The following ARID4A variants were observed in gnomAD, a reference collection of about 807,000 sequenced individuals.
ARID4A encodes the protein AT-rich interaction domain 4A.
ARID4A carries 39 observed loss-of-function variants against 148.6 expected under a neutral mutation model. That is an observed-to-expected ratio of 0.26 (90% confidence interval 0.20 to 0.34). The LOEUF is 0.34. Among genes scored for constraint, ARID4A ranks in the 10% least tolerant of loss-of-function variants. The probability of loss-of-function intolerance (pLI) is 1.00; values close to 1 mark genes in which losing one functional copy is unlikely to be tolerated. For synonymous variants in ARID4A, 475 were observed against 481.2 expected (o/e 0.99, Z 0.17); for missense variants, 1,265 against 1,449.1 (o/e 0.87, Z 2.06).
At chr14:58,313,192 TA>T (rs1370847671) in intron 5 of ARID4A, among the ~76,000 whole-genome samples, 1 of 152,174 alleles carries the variant, frequency 6.6e-6, no homozygotes, top group Non-Finnish European at 1.5e-5. Flanking sequence ...AGATAGATGA[TA>T]GATAGACAGA....
chr14:58,356,103 G>A (rs753460998), intron 17 of ARID4A, among the ~76,000 whole-genome samples: 3 of 152,228 alleles, frequency 2.0e-5, no homozygotes, highest in Non-Finnish European at 4.4e-5. Context: ...ATCTGCAAGT[G>A]TAAGAAGTGT....
At chr14:58,307,366 C>A (rs2031688482) in intron 5 of ARID4A, among the ~76,000 whole-genome samples, 1 of 152,248 alleles carries the variant, frequency 6.6e-6, no homozygotes, top group South Asian at 2.1e-4. Flanking sequence ...CCTGTACCTT[C>A]TATTAGTAGT....
rs535292274 is a variant in ARID4A at position 58,372,431 on chromosome 14, T to C, written c.*442T>C. The C allele has an allele frequency of 2.6e-5, 6 of 230,462 alleles. No individual in the cohort carries two copies. Among genetic ancestry groups the C allele is most frequent in the Admixed American group, 5.7e-5 (1 of 17,668 alleles). The allele number at this position is 230,462 out of a possible 1,614,324, so 14.3% of individuals were successfully genotyped here. A position where few individuals can be genotyped will look rare whatever the true frequency, so the allele number is the denominator to read the frequency against. ...TGGTGAGTAGGGGGTTTATGTTGTG[T>C]TTTTTTTCATTATCGTTTTTTTTAT... On this transcript the variant is annotated 3_prime_UTR_variant, in exon 24 of 24. Coordinates refer to ENST00000355431, the MANE Select transcript of ARID4A (RefSeq NM_002892.4).
At position 58,367,016 on chromosome 14, in the gene ARID4A, G is replaced by C. The variant is rs1430741497; in HGVS notation, c.3657G>C (p.Lys1219Asn). The C allele has an allele frequency of 2.0e-6, 3 of 1,488,812 alleles. No individual in the cohort carries two copies. The highest frequency in any genetic ancestry group is 1.8e-6 in the Non-Finnish European group (2 of 1,125,496). 92.2% of individuals were successfully genotyped at this position (1,488,812 alleles called of 1,614,324 possible). The change falls in exon 23 of 24, where the codon AAG becomes AAC. Residue 1219 changes from lysine (K) to asparagine (N), a missense_variant. Lys to Asn is a moderately conservative substitution (Grantham distance 94). Coordinates refer to ENST00000355431, the MANE Select transcript of ARID4A (RefSeq NM_002892.4). The part of the protein sequence containing the change: ...TIDRRRKRLK[K>N]KDREVSHAGA... ...ACAGGAGGAGAAAAAGATTAAAAAA[G>C]AAAGACAGGGAAGGTAATTTTATTA... is the stretch of plus-strand genomic sequence containing the variant.
At position 58,329,564 on chromosome 14, in the gene ARID4A, C is replaced by T. The variant is rs1218528462; in HGVS notation, c.699C>T (p.Asp233=). Residue 233 remains aspartate, a synonymous_variant, in exon 10 of 24, where the codon GAC becomes GAT. Transcript: ENST00000355431. ...SIARKDIKEV[D]ILNLPESELS... The stretch of plus-strand genomic sequence containing the variant: ...CAAGAAAGGACATTAAGGAAGTAGA[C>T]ATTCTCAATCTACCGGAATCTGAGC... 1.2e-6 allele frequency: 2 copies of T among 1,607,338 alleles called. No individual in the cohort carries two copies. The highest frequency in any genetic ancestry group is 1.3e-5 in the African/African-American group (1 of 74,888).
rs747115171 is a variant in ARID4A, at chr14:58,329,988, C to T, written c.740-15C>T. 1.4e-5 allele frequency: 23 copies of T among 1,594,038 alleles called. No individual in the cohort carries two copies. In the African/African-American group the frequency reaches 2.7e-4, roughly 19 times the overall value. On this transcript the variant is annotated splice_polypyrimidine_tract_variant and intron_variant, in intron 10 of 23. Transcript: ENST00000355431. ...CAATTCCATAGCAACTGCTGAAGTA[C>T]ATTTTCACTCTTAGGGCTTCAGAAA...
intron 5 of ARID4A, among the ~76,000 whole-genome samples, chr14:58,313,667 T>G (rs2032208069): frequency 6.6e-6 from 1 of 152,126 alleles, no homozygotes; most frequent in Non-Finnish European, 1.5e-5. Flanking sequence ...CTAGGCTCTA[T>G]CCAAGTCAGA....
intron 18 of ARID4A, 99 bp downstream of exon 18, chr14:58,359,315 C>A: frequency 5.9e-6 from 7 of 1,182,812 alleles, no homozygotes; most frequent in East Asian, 2.6e-5. Flanking sequence ...AGGTTTATAC[C>A]AAGATTGAGA....
chr14:58,360,154 T>C (rs975295928), intron 18 of ARID4A, among the ~76,000 whole-genome samples: 3 of 152,140 alleles, frequency 2.0e-5, no homozygotes, highest in Admixed American at 6.5e-5. Context: ...CATTACCACA[T>C]TGTTTCAGCA....
chr14:58,330,831 G>A (rs766071888), intron 11 of ARID4A, among the ~76,000 whole-genome samples: 1 of 152,070 alleles, frequency 6.6e-6, no homozygotes, highest in South Asian at 2.1e-4. Context: ...TATAATTGTA[G>A]GAAATCATCC....
At chr14:58,317,762 A>G (rs2032565098) in intron 5 of ARID4A, among the ~76,000 whole-genome samples, 1 of 148,316 alleles carries the variant, frequency 6.7e-6, no homozygotes, top group Admixed American at 6.9e-5. Flanking sequence ...CCTCTCCAGT[A>G]GCTGGGACCA....
chr14:58,306,856 G>T (rs1750896716), intron 5 of ARID4A, among the ~76,000 whole-genome samples: 1 of 152,162 alleles, frequency 6.6e-6, no homozygotes, highest in African/African-American at 2.4e-5. Context: ...TCCAGCCTGG[G>T]CGACAGAGTG....
intron 23 of ARID4A, among the ~76,000 whole-genome samples, chr14:58,370,896 C>T (rs1309956760): frequency 1.3e-5 from 2 of 152,164 alleles, no homozygotes; most frequent in Non-Finnish European, 2.9e-5. Context: ...TAGGCATGAG[C>T]CAACATGCCC....
chr14:58,359,107 C>CTTTTTTTTT, intron 17 of ARID4A, 25 bp from the exon 18 acceptor site: 2 of 1,298,544 alleles, frequency 1.5e-6, no homozygotes, highest in Non-Finnish European at 2.0e-6. Flanking sequence ...TGTACAAACT[C>CTTTTTTTTT]TTTTTTTTTT....
At chr14:58,362,778 G>A (rs1252155485) in intron 19 of ARID4A, among the ~76,000 whole-genome samples, 3 of 151,952 alleles carry the variant, frequency 2.0e-5, no homozygotes, top group Non-Finnish European at 4.4e-5. Context: ...CGCTGGTCTC[G>A]CACTCTTGAC....
Position 58,364,556 on chromosome 14 carries a change from A to G in ARID4A, c.2467A>G (p.Ile823Val). The G allele has an allele frequency of 6.2e-7, 1 of 1,611,148 alleles. No homozygotes were observed. Among genetic ancestry groups the G allele is most frequent in the Non-Finnish European group, 8.5e-7 (1 of 1,179,438 alleles). ...GQNEAGSEPHIEAHSLELSSL... is the reference protein window; with the variant it reads ...GQNEAGSEPHVEAHSLELSSL... ...GAATGAAGCAGGAAGTGAACCTCATATAGAAGCTCATAGTCTTGAATTGTC... is the reference window on the plus strand; with the variant it reads ...GAATGAAGCAGGAAGTGAACCTCATGTAGAAGCTCATAGTCTTGAATTGTC... Residue 823 changes from isoleucine to valine, a missense_variant, in exon 20 of 24, where the codon ATA (isoleucine) becomes GTA (valine). This residue lies in a region of ARID4A where 666 missense variants were observed against 730.9 expected (regional missense o/e 0.91). Coordinates refer to ENST00000355431, the MANE Select transcript of ARID4A (RefSeq NM_002892.4).
At chr14:58,351,033 A>T in intron 15 of ARID4A, 40 bp from the exon 16 acceptor site, 1 of 1,550,460 alleles carries the variant, frequency 6.4e-7, no homozygotes, top group Non-Finnish European at 8.6e-7. Context: ...TTTCCCCTTT[A>T]TAGTGATAGC....
At chr14:58,340,975 T>TC (rs1222594780) in intron 11 of ARID4A, among the ~76,000 whole-genome samples, 1 of 152,190 alleles carries the variant, frequency 6.6e-6, no homozygotes, top group African/African-American at 2.4e-5. Context: ...CAGTCATTAG[T>TC]CGTAAAATTG....
chr14:58,313,408 G>T (rs56208804), intron 5 of ARID4A, among the ~76,000 whole-genome samples: 1 of 152,002 alleles, frequency 6.6e-6, no homozygotes, highest in African/African-American at 2.4e-5. Flanking sequence ...GCAGTTCACA[G>T]GCATTTGCGC....
Sources: gnomAD v4.1 joint callset for allele counts (sites outside exome capture counted in the v4.1 genomes callset) on GRCh38, gnomAD v4.1.1 for gene constraint, gnomAD v4.1.1 regional missense constraint, MANE v1.5 for transcripts, NCBI Gene and HGNC (gene_info 2026-07-23, HGNC 2026-07-21) for gene names.